Variants in SYNDIG1 observed in about 807,000 individuals in gnomAD.
SYNDIG1 encodes synapse differentiation inducing 1, also known as synapse differentiation-inducing gene protein 1.
Under a neutral mutation model 19.4 loss-of-function variants are expected in SYNDIG1, and 9 were observed. The observed-to-expected ratio is 0.46, with a 90% CI of 0.28 to 0.81. SYNDIG1 has a LOEUF of 0.81. Ranked by LOEUF, SYNDIG1 falls within the 30% of genes least tolerant of loss-of-function variation. SYNDIG1 has a pLI of 0.12. For missense variants in SYNDIG1, 311 were observed against 343.3 expected (o/e 0.91, Z 0.74); for synonymous variants, 141 against 145.9 (o/e 0.97, Z 0.24).
intron 3 of SYNDIG1, among the ~76,000 whole-genome samples, chr20:24,618,568 A>T (rs2058986298): frequency 6.6e-6 from 1 of 152,226 alleles, no homozygotes; most frequent in Non-Finnish European, 1.5e-5. Context: ...CTCCGAGGAA[A>T]AAAAGACATC....
chr20:24,520,424 G>A (rs533411144), intron 1 of SYNDIG1, among the ~76,000 whole-genome samples: 1 of 152,036 alleles, frequency 6.6e-6, no homozygotes, highest in Non-Finnish European at 1.5e-5. Flanking sequence ...GGCCAGGTGC[G>A]GTGGCTCACG....
At chr20:24,621,570 G>A (rs2059038333) in intron 3 of SYNDIG1, among the ~76,000 whole-genome samples, 1 of 152,224 alleles carries the variant, frequency 6.6e-6, no homozygotes, top group Non-Finnish European at 1.5e-5. Context: ...ATTAGTATCT[G>A]AAGCAGTGGC....
chr20:24,556,649 C>T lies in SYNDIG1; in HGVS notation c.480+13072C>T, dbSNP rs1307692766. ...ACAATTGGCCCCCGCTGTCTTCTGGCTTGTAGAGTTTCTGCCAAGAGATCC... is the reference window on the plus strand; with the variant it reads ...ACAATTGGCCCCCGCTGTCTTCTGGTTTGTAGAGTTTCTGCCAAGAGATCC... On this transcript the variant is annotated intron_variant, in intron 2 of 3. Coordinates refer to ENST00000376862, the MANE Select transcript of SYNDIG1 (RefSeq NM_024893.3). Among the ~76,000 whole-genome samples, 3 of 152,214 alleles carry T rather than the reference C, an allele frequency of 2.0e-5. No individual in the cohort carries two copies. The East Asian group carries it at 5.8e-4, about 29-fold the overall frequency.
intron 1 of SYNDIG1, among the ~76,000 whole-genome samples, chr20:24,502,015 G>C (rs1468437726): frequency 6.6e-6 from 1 of 152,214 alleles, no homozygotes; most frequent in Non-Finnish European, 1.5e-5. Flanking sequence ...GCCAGTGGCG[G>C]GCAGGACGTT....
At chr20:24,509,235 A>G (rs1036857319) in intron 1 of SYNDIG1, among the ~76,000 whole-genome samples, 4 of 152,144 alleles carry the variant, frequency 2.6e-5, no homozygotes, top group African/African-American at 9.7e-5. Flanking sequence ...TATTTCAATT[A>G]TTTGTGATTA....
At chr20:24,573,785 C>T (rs979692943) in intron 2 of SYNDIG1, among the ~76,000 whole-genome samples, 5 of 152,198 alleles carry the variant, frequency 3.3e-5, no homozygotes, top group Non-Finnish European at 7.3e-5. Context: ...GTCTCATGGT[C>T]GTGTTCCACA....
intron 1 of SYNDIG1, among the ~76,000 whole-genome samples, chr20:24,479,148 A>G (rs923452678): frequency 3.9e-5 from 6 of 152,212 alleles, no homozygotes; most frequent in Admixed American, 6.5e-5. Context: ...TAATTAGAGT[A>G]AAAACAAGGA....
chr20:24,586,971 C>T (rs1021370176), intron 3 of SYNDIG1, among the ~76,000 whole-genome samples: 2 of 152,226 alleles, frequency 1.3e-5, no homozygotes, highest in African/African-American at 4.8e-5. Context: ...ACTGCAGAGA[C>T]TGTGTCTAGA....
chr20:24,537,213 C>T (rs1219371483), intron 1 of SYNDIG1, among the ~76,000 whole-genome samples: 1 of 152,182 alleles, frequency 6.6e-6, no homozygotes, highest in Non-Finnish European at 1.5e-5. Flanking sequence ...CTCCCCTGCA[C>T]AGCTTAACCT....
At chr20:24,626,033 G>A (rs1245452061) in intron 3 of SYNDIG1, among the ~76,000 whole-genome samples, 2 of 150,638 alleles carry the variant, frequency 1.3e-5, no homozygotes, top group African/African-American at 2.5e-5. Flanking sequence ...TGGCTGGCCA[G>A]GTGGGGGGCT....
chr20:24,572,978 G>A (rs1273169169), intron 2 of SYNDIG1, among the ~76,000 whole-genome samples: 1 of 152,112 alleles, frequency 6.6e-6, no homozygotes, highest in East Asian at 1.9e-4. Flanking sequence ...GTTCCAGGGA[G>A]GATTGGCACT....
At chr20:24,558,521 T>A (rs1217117448) in intron 2 of SYNDIG1, among the ~76,000 whole-genome samples, 1 of 152,270 alleles carries the variant, frequency 6.6e-6, no homozygotes, top group East Asian at 1.9e-4. Flanking sequence ...TCCATTGGCA[T>A]TAACCATAAT....
At chr20:24,664,894 G>A (rs2059634160) in intron 3 of SYNDIG1, among the ~76,000 whole-genome samples, 1 of 152,068 alleles carries the variant, frequency 6.6e-6, no homozygotes, top group Non-Finnish European at 1.5e-5. Context: ...ACCTCCAGTG[G>A]GTAGCAGAGA....
At chr20:24,585,053 G>GCCC in intron 3 of SYNDIG1, 60 bp downstream of exon 3, 14 of 647,972 alleles carry the variant, frequency 2.2e-5, no homozygotes, top group East Asian at 8.7e-5. Context: ...GGGGGTGGGG[G>GCCC]CGGCAATCCC....
intron 2 of SYNDIG1, among the ~76,000 whole-genome samples, chr20:24,547,218 G>C (rs537597830): frequency 6.6e-6 from 1 of 152,366 alleles, no homozygotes; most frequent in African/African-American, 2.4e-5. Context: ...GCACTGGGTG[G>C]CTGGCTGTGT....
intron 3 of SYNDIG1, among the ~76,000 whole-genome samples, chr20:24,656,163 C>T (rs1272829987): frequency 6.6e-6 from 1 of 152,172 alleles, no homozygotes; most frequent in African/African-American, 2.4e-5. Flanking sequence ...TGGGGCTTCA[C>T]TAAGCTGTGT....
chr20:24,645,405 C>A (rs990303214), intron 3 of SYNDIG1, among the ~76,000 whole-genome samples: 1 of 152,240 alleles, frequency 6.6e-6, no homozygotes, highest in South Asian at 2.1e-4. Context: ...AACCATTAGA[C>A]GAGAGCCCAC....
At chr20:24,607,583 G>C (rs1013487639) in intron 3 of SYNDIG1, among the ~76,000 whole-genome samples, 1 of 92,382 alleles carries the variant, frequency 1.1e-5, no homozygotes, top group African/African-American at 4.4e-5. Flanking sequence ...TCAAGAGCGA[G>C]ACATCTCCAT....
At chr20:24,611,155 G>A (rs1487683124) in intron 3 of SYNDIG1, among the ~76,000 whole-genome samples, 3 of 152,058 alleles carry the variant, frequency 2.0e-5, no homozygotes, top group East Asian at 1.9e-4. Flanking sequence ...CCCTCCCCTA[G>A]CCCCACCACA....
Sources: allele counts gnomAD v4.1 joint callset (sites outside exome capture counted in the v4.1 genomes callset), GRCh38; gene constraint gnomAD v4.1.1; transcripts MANE v1.5; gene names NCBI Gene and HGNC (gene_info 2026-07-23, HGNC 2026-07-21).